Variants in GLDC observed in about 807,000 individuals in gnomAD.
GLDC encodes glycine dehydrogenase (decarboxylating), mitochondrial.
In GLDC, 104 loss-of-function variants were observed where a neutral mutation model predicts 121.3. The observed-to-expected ratio is 0.86, with a 90% CI of 0.73 to 1.01. The LOEUF (loss-of-function observed/expected upper bound fraction) is 1.01, where lower values mean the gene tolerates loss of function less well. Ranked by LOEUF, GLDC falls within the 50% of genes least tolerant of loss-of-function variation. GLDC has a pLI of 0.00. For synonymous variants in GLDC, 546 were observed against 480.6 expected (o/e 1.14, Z -1.78); for missense variants, 1,429 against 1,306.6 (o/e 1.09, Z -1.44).
chr9:6,571,394 T>C (rs778796196), intron 15 of GLDC, among the ~76,000 whole-genome samples: 1 of 152,112 alleles, frequency 6.6e-6, no homozygotes, highest in Non-Finnish European at 1.5e-5. Flanking sequence ...TTAACAACAA[T>C]AACTAAGAAT....
intron 21 of GLDC, among the ~76,000 whole-genome samples, chr9:6,545,418 A>G (rs1008696274): frequency 6.6e-6 from 1 of 152,158 alleles, no homozygotes; most frequent in African/African-American, 2.4e-5. Flanking sequence ...AAAATACGAC[A>G]TAAAACATAA....
chr9:6,582,792 G>A (rs547978142), intron 15 of GLDC, among the ~76,000 whole-genome samples: 110 of 150,884 alleles, frequency 7.3e-4, no homozygotes, highest in African/African-American at 2.6e-3. Flanking sequence ...TCGCGCCACT[G>A]CACTCCAGTC....
intron 15 of GLDC, among the ~76,000 whole-genome samples, chr9:6,581,185 G>C (rs559662777): frequency 6.6e-6 from 1 of 152,240 alleles, no homozygotes; most frequent in East Asian, 1.9e-4. Flanking sequence ...AGTCCTTCCC[G>C]GGCAACGAAG....
chr9:6,631,199 CCA>C (rs1375009517), intron 2 of GLDC, among the ~76,000 whole-genome samples: 2 of 152,292 alleles, frequency 1.3e-5, no homozygotes, highest in African/African-American at 2.4e-5. Context: ...CCAATTAATA[CCA>C]CGCCTCATTC....
intron 2 of GLDC, 53 bp from the exon 3 acceptor site, chr9:6,620,372 CTAATTACAGT>C (rs1819066173): frequency 4.8e-6 from 7 of 1,470,272 alleles, no homozygotes; most frequent in Non-Finnish European, 5.7e-6. Context: ...GAAAAGAGCT[CTAATTACAGT>C]TTAAATCCCT....
In GLDC at chr9:6,570,933, A is replaced by G. The variant is rs374045476; in HGVS notation, c.1851-5504T>C. Among the ~76,000 whole-genome samples, 72 of 151,848 alleles carry G rather than the reference A, an allele frequency of 4.7e-4. 2 individuals are homozygous for G. In the South Asian group the frequency reaches 0.014, roughly 30 times the overall value. ...ATTACATTTAAAATGATACCTTTTC[A>G]TGAAAAATATTTATTTTATGAGTGA... On this transcript the variant is annotated intron_variant, in intron 15 of 24. Coordinates refer to ENST00000321612, the MANE Select transcript of GLDC (RefSeq NM_000170.3).
In GLDC at chr9:6,592,881, C is replaced by T. The variant is rs2129853083; in HGVS notation, c.1371G>A (p.Gln457=). 6.2e-7 allele frequency: 1 copy of T among 1,613,924 alleles called. No individual in the cohort carries two copies. Among genetic ancestry groups the T allele is most frequent in the African/African-American group, 1.3e-5 (1 of 75,074 alleles). ...KEVLGRAAQR[Q]INFRLFEDGT... is the part of the protein sequence containing the mutation. ...CATCCTCAAAAAGCCGAAAATTGATCTGCCGCTGAGCGGCCCTGCCCAAGA... is the reference window on the plus strand; with the variant it reads ...CATCCTCAAAAAGCCGAAAATTGATTTGCCGCTGAGCGGCCCTGCCCAAGA... The change falls in exon 10 of 25, where the codon CAG becomes CAA. Residue 457 remains glutamine (Q), a synonymous_variant. Coordinates refer to ENST00000321612, the MANE Select transcript of GLDC (RefSeq NM_000170.3).
At chr9:6,620,511 C>A (rs1819070387) in intron 2 of GLDC, among the ~76,000 whole-genome samples, 192 bp from the exon 3 acceptor site, 3 of 151,594 alleles carry the variant, frequency 2.0e-5, no homozygotes, top group Non-Finnish European at 4.4e-5. Context: ...CCAAACAACA[C>A]TCAATTTCTC....
chr9:6,603,865 G>C (rs1818676811), intron 7 of GLDC, among the ~76,000 whole-genome samples: 1 of 151,504 alleles, frequency 6.6e-6, no homozygotes, highest in Non-Finnish European at 1.5e-5. Flanking sequence ...AAGTAGCTGG[G>C]ACTACAGGCG....
intron 3 of GLDC, among the ~76,000 whole-genome samples, chr9:6,612,158 T>C (rs1391887699): frequency 1.3e-5 from 2 of 151,348 alleles, no homozygotes; most frequent in African/African-American, 4.9e-5. Flanking sequence ...CAAGCAAAAA[T>C]CCATTCTGTT....
chr9:6,643,904 C>T (rs568094171), intron 2 of GLDC, among the ~76,000 whole-genome samples: 99 of 150,732 alleles, frequency 6.6e-4, no homozygotes, highest in South Asian at 1.1e-3. Flanking sequence ...TGTGGTGGTG[C>T]GCCCCTGTAA....
chr9:6,586,988 T>C (rs1818284031), intron 15 of GLDC, among the ~76,000 whole-genome samples, 153 bp downstream of exon 15: 1 of 152,218 alleles, frequency 6.6e-6, no homozygotes, highest in Admixed American at 6.5e-5. Flanking sequence ...GAGAACACGA[T>C]GCACCTTCTA....
chr9:6,535,458 G>A (rs991489119), intron 23 of GLDC, among the ~76,000 whole-genome samples: 1 of 151,600 alleles, frequency 6.6e-6, no homozygotes, highest in African/African-American at 2.4e-5. Flanking sequence ...TTGGAAACCT[G>A]CCCCAGCTGC....
At chr9:6,632,199 G>T (rs114837512) in intron 2 of GLDC, among the ~76,000 whole-genome samples, 2,120 of 152,204 alleles carry the variant, frequency 0.014, 43 homozygotes, top group African/African-American at 0.048. Context: ...AAACTTTCAC[G>T]TATGGCTAGC....
At chr9:6,611,948 G>C (rs1453641185) in intron 3 of GLDC, among the ~76,000 whole-genome samples, 1 of 152,080 alleles carries the variant, frequency 6.6e-6, no homozygotes, top group Non-Finnish European at 1.5e-5. Flanking sequence ...TGTCTTCACG[G>C]TGTCAAGCCA....
At chr9:6,559,247 G>C (rs1817696675) in intron 16 of GLDC, among the ~76,000 whole-genome samples, 2 of 152,294 alleles carry the variant, frequency 1.3e-5, no homozygotes, top group South Asian at 4.1e-4. Context: ...AGGTGCAGTG[G>C]CTCACGCGTG....
intron 22 of GLDC, among the ~76,000 whole-genome samples, chr9:6,538,766 C>G (rs750314749): frequency 2.0e-5 from 3 of 152,208 alleles, no homozygotes; most frequent in Non-Finnish European, 4.4e-5. Flanking sequence ...GTGAAGTAGG[C>G]AAGGCATCCA....
chr9:6,615,326 C>T (rs1223901702), intron 3 of GLDC, among the ~76,000 whole-genome samples: 1 of 151,826 alleles, frequency 6.6e-6, no homozygotes, highest in Non-Finnish European at 1.5e-5. Flanking sequence ...GGTGTGGTGG[C>T]TCACACCTGT....
intron 15 of GLDC, among the ~76,000 whole-genome samples, chr9:6,571,934 A>G (rs1817977433): frequency 6.6e-6 from 1 of 152,226 alleles, no homozygotes. Flanking sequence ...CAAAGTTGCA[A>G]AAGTAATTCA....
Sources: gnomAD v4.1 joint callset for allele counts (sites outside exome capture counted in the v4.1 genomes callset) on GRCh38, gnomAD v4.1.1 for gene constraint, MANE v1.5 for transcripts, NCBI Gene and HGNC (gene_info 2026-07-23, HGNC 2026-07-21) for gene names.